PFKFB1: variants seen among roughly 807,000 people sequenced by gnomAD.
PFKFB1 encodes the protein 6-phosphofructo-2-kinase/fructose-2,6-biphosphatase 1.
A neutral mutation model predicts 46.4 loss-of-function variants in PFKFB1; 34 were observed. The observed-to-expected ratio is 0.73, with a 90% CI of 0.56 to 0.98. PFKFB1 has a LOEUF of 0.98. PFKFB1 is among the 50% of genes least tolerant of loss of function. The probability of loss-of-function intolerance (pLI) is 0.00; values close to 1 mark genes in which losing one functional copy is unlikely to be tolerated. For missense variants in PFKFB1, 393 were observed against 376.3 expected (o/e 1.04, Z -0.37); for synonymous variants, 119 against 133.8 (o/e 0.89, Z 0.76).
rs751715659 is a variant in PFKFB1, at chrX:54,946,271, T to A, written c.994-728A>T. ...TAACAAATTCCTAATGGTTTCAGAG[T>A]GGATTTGGGGGAGATACACTCTCCT... On this transcript the variant is annotated intron_variant, in intron 9 of 13. Coordinates refer to ENST00000375006, the MANE Select transcript of PFKFB1 (RefSeq NM_002625.4). Among the ~76,000 whole-genome samples, 5 of 110,522 alleles carry A rather than the reference T, an allele frequency of 4.5e-5. No homozygotes were observed. In the South Asian group the frequency reaches 2.0e-3, roughly 43 times the overall value.
chrX:54,958,758 C>T (rs750182132), intron 5 of PFKFB1, 93 bp downstream of exon 5: 24 of 552,098 alleles, frequency 4.3e-5, no homozygotes, highest in Middle Eastern at 6.7e-4. Flanking sequence ...CTTATGGTTG[C>T]GGATTTGGCC....
chrX:54,971,536 A>G (rs1934657783), intron 1 of PFKFB1, among the ~76,000 whole-genome samples: 2 of 112,032 alleles, frequency 1.8e-5, no homozygotes, highest in South Asian at 7.4e-4. Flanking sequence ...GAAGGGATCC[A>G]GTTTCAGCTT....
At chrX:54,985,866 A>G (rs1212184333) in intron 1 of PFKFB1, among the ~76,000 whole-genome samples, 2 of 110,325 alleles carry the variant, frequency 1.8e-5, no homozygotes, top group African/African-American at 6.6e-5. Flanking sequence ...GAAAAGCCCT[A>G]GAACAACCAC....
At chrX:54,996,547 T>C (rs1935359193), upstream of PFKFB1, among the ~76,000 whole-genome samples, 1 of 112,374 alleles carries the variant, frequency 8.9e-6, no homozygotes. Flanking sequence ...GGTCCAGGCT[T>C]GAAAGCCTAA....
At position 54,960,856 on chromosome X, in the gene PFKFB1, A is replaced by C. The variant is rs201526141; in HGVS notation, c.285T>G (p.Leu95=). The part of the protein sequence containing the change: ...AVSYKNYEFF[L]PDNMEALQIR... The stretch of plus-strand genomic sequence containing the variant: ...TTTGCAGGGCTTCCATGTTGTCTGG[A>C]AGAAAGAATTCATAGTTCTTGTAGC... Residue 95 remains leucine, a synonymous_variant, in exon 3 of 14, where the codon CTT becomes CTG. Transcript: ENST00000375006. The C allele has an allele frequency of 8.4e-7, 1 of 1,192,497 alleles. No homozygotes were observed. The highest frequency in any genetic ancestry group is 2.2e-5 in the Admixed American group (1 of 45,351).
chrX:54,988,594 C>T (rs1162354374), intron 1 of PFKFB1, among the ~76,000 whole-genome samples: 1 of 111,575 alleles, frequency 9.0e-6, no homozygotes, highest in Non-Finnish European at 1.9e-5. Context: ...TACAATTAAA[C>T]TACAATAATC....
chrX:54,974,345 A>C (rs1934776645), intron 1 of PFKFB1, among the ~76,000 whole-genome samples: 1 of 111,749 alleles, frequency 8.9e-6, no homozygotes, highest in African/African-American at 3.2e-5. Context: ...AATAACATAA[A>C]GTAGGGAAAT....
At chrX:54,981,196 T>C (rs1328899597) in intron 1 of PFKFB1, among the ~76,000 whole-genome samples, 1 of 110,249 alleles carries the variant, frequency 9.1e-6, no homozygotes, top group Non-Finnish European at 1.9e-5. Flanking sequence ...AGAAAAGAAT[T>C]GATGAAAGAT....
chrX:54,939,208 A>T (rs1273950943), intron 10 of PFKFB1, among the ~76,000 whole-genome samples: 1 of 112,007 alleles, frequency 8.9e-6, no homozygotes, highest in Non-Finnish European at 1.9e-5. Context: ...GAACAAAGAC[A>T]CAACATACCA....
At chrX:54,978,265 A>G (rs1181960398) in intron 1 of PFKFB1, among the ~76,000 whole-genome samples, 1 of 111,766 alleles carries the variant, frequency 8.9e-6, no homozygotes, top group Non-Finnish European at 1.9e-5. Context: ...TTATAACCCA[A>G]ATAATTAAAT....
Position 54,980,333 on chromosome X carries a change from A to ACC in PFKFB1, c.97+13577_97+13578insGG, listed in dbSNP as rs780163085. 5.4e-3 allele frequency among the ~76,000 whole-genome samples: 598 copies of ACC among 111,300 alleles called. 2 individuals carry two copies. The highest frequency in any genetic ancestry group is 8.7e-3 in the Non-Finnish European group (460 of 52,880). ...TGATTTAACATACACACACACACAC[A>ACC]CACACACAAACGTGTGTGTTTATTG... On this transcript the variant is annotated intron_variant, in intron 1 of 13. Transcript: ENST00000375006.
At chrX:54,986,064 GATTA>G in intron 1 of PFKFB1, among the ~76,000 whole-genome samples, 1 of 111,906 alleles carries the variant, frequency 8.9e-6, no homozygotes, top group East Asian at 2.8e-4. Flanking sequence ...AATCAGAACA[GATTA>G]ATCAACCCAA....
upstream of PFKFB1, chrX:54,998,420 G>GT (rs1430513643): frequency 8.7e-7 from 1 of 1,152,407 alleles, no homozygotes. Context: ...TATTCTAGAG[G>GT]TTTTTTCTTC....
chrX:54,969,689 T>A (rs1028342308), intron 1 of PFKFB1, among the ~76,000 whole-genome samples: 2 of 112,191 alleles, frequency 1.8e-5, no homozygotes, highest in Non-Finnish European at 3.8e-5. Context: ...TGTCATACTT[T>A]ATGTTGACAG....
chrX:54,955,513 A>G, intron 7 of PFKFB1, among the ~76,000 whole-genome samples: 1 of 110,927 alleles, frequency 9.0e-6, no homozygotes. Flanking sequence ...CATATGTCAA[A>G]GCACTATAGA....
At chrX:54,956,499 T>C (rs1051414193) in intron 6 of PFKFB1, among the ~76,000 whole-genome samples, 24 of 111,900 alleles carry the variant, frequency 2.1e-4, no homozygotes, top group African/African-American at 7.8e-4. Context: ...TGTTACATTA[T>C]ACTCAGTCCC....
chrX:54,945,805 T>C (rs1431636514), intron 9 of PFKFB1, among the ~76,000 whole-genome samples: 1 of 108,789 alleles, frequency 9.2e-6, no homozygotes, highest in African/African-American at 3.4e-5. Flanking sequence ...TCAGGCTGAG[T>C]GTATGATGTT....
At chrX:54,941,901 C>A (rs915836183) in intron 10 of PFKFB1, among the ~76,000 whole-genome samples, 1 of 111,696 alleles carries the variant, frequency 9.0e-6, no homozygotes, top group Non-Finnish European at 1.9e-5. Flanking sequence ...GGGTATATAC[C>A]CAAAGGAGTA....
chrX:54,936,329 A>T (rs185116161), intron 11 of PFKFB1, among the ~76,000 whole-genome samples: 1 of 90,630 alleles, frequency 1.1e-5, no homozygotes, highest in East Asian at 3.4e-4. Flanking sequence ...TCTCAGTCAC[A>T]TCATCTCTCT....
Sources: gnomAD v4.1 joint callset for allele counts (sites outside exome capture counted in the v4.1 genomes callset) on GRCh38, gnomAD v4.1.1 for gene constraint, MANE v1.5 for transcripts, NCBI Gene and HGNC (gene_info 2026-07-23, HGNC 2026-07-21) for gene names.